PILRB: variants seen among roughly 807,000 people sequenced by gnomAD.
The protein encoded by PILRB is paired immunoglobulin-like type 2 receptor beta.
Under a neutral mutation model 20.5 loss-of-function variants are expected in PILRB, and 21 were observed. That is an observed-to-expected ratio of 1.02 (90% confidence interval 0.72 to 1.47). PILRB has a LOEUF of 1.47. PILRB is among the 40% of genes most tolerant of loss of function. PILRB has a pLI of 0.00. For synonymous variants in PILRB, 133 were observed against 115.1 expected (o/e 1.16, Z -0.99); for missense variants, 253 against 272.1 (o/e 0.93, Z 0.49).
chr7:100,361,102 AT>A, intron 3 of PILRB, among the ~76,000 whole-genome samples: 1 of 151,842 alleles, frequency 6.6e-6, no homozygotes, highest in Non-Finnish European at 1.5e-5. Flanking sequence ...CACCTGGCTA[AT>A]TTTTTGTAGT....
rs554731122 is a variant in PILRB, at chr7:100,365,415, TTACATGGTATCTA to T, written c.656-1933_656-1921del. 9.3e-4 allele frequency among the ~76,000 whole-genome samples: 142 copies of T among 152,288 alleles called. 3 individuals are homozygous for T. The South Asian group carries it at 0.016, about 18-fold the overall frequency. ...AAAGATAAATACTGTCTGATTCCAC[TTACATGGTATCTA>T]GAGTAGCCAGATTCCTAGAAACAGG... On this transcript the variant is annotated intron_variant, in intron 3 of 3. Transcript: ENST00000609309.
chr7:100,358,792 A>G lies in PILRB; in HGVS notation c.167A>G (p.Tyr56Cys), dbSNP rs775881069. The change falls in exon 2 of 4, where the codon TAT (tyrosine) becomes TGT (cysteine). Residue 56 changes from tyrosine (Y) to cysteine (C), a missense_variant. Coordinates refer to ENST00000609309, the MANE Select transcript of PILRB (RefSeq NM_178238.4). ...GGSVEIPFSF[Y>C]YPWELAIVPN... The stretch of plus-strand genomic sequence containing the variant: ...TCTGTGGAAATCCCCTTCTCCTTCT[A>G]TTACCCCTGGGAGTTAGCCATAGTT... 62 of 1,613,080 alleles carry G rather than the reference A, an allele frequency of 3.8e-5. 1 individual carries two copies. The Admixed American group carries it at 4.0e-4, about 10-fold the overall frequency.
intron 3 of PILRB, among the ~76,000 whole-genome samples, chr7:100,361,686 C>T (rs1790531490): frequency 6.6e-6 from 1 of 152,134 alleles, no homozygotes. Flanking sequence ...GAGCGAGACT[C>T]CATCTATAAA....
intron 3 of PILRB, among the ~76,000 whole-genome samples, chr7:100,362,299 T>C (rs1790550037): frequency 6.6e-6 from 1 of 152,152 alleles, no homozygotes; most frequent in African/African-American, 2.4e-5. Context: ...TGAATATTGA[T>C]GGGAAAATCT....
Position 100,358,719 on chromosome 7 carries a change from C to G in PILRB, c.94C>G (p.Leu32Val), listed in dbSNP as rs997106029. ...CTCCACAGGATCTGGTCCAAGCTACCTTTATGGGGTCACTCAACCAAAACA... is the reference window on the plus strand; with the variant it reads ...CTCCACAGGATCTGGTCCAAGCTACGTTTATGGGGTCACTCAACCAAAACA... ...GGSTGSGPSY[L>V]YGVTQPKHLS... The change falls in exon 2 of 4, where the codon CTT (leucine) becomes GTT (valine). Residue 32 changes from leucine to valine, a missense_variant. Transcript: ENST00000609309. 1.2e-6 allele frequency: 2 copies of G among 1,614,074 alleles called. No homozygotes were observed. Among genetic ancestry groups the G allele is most frequent in the Admixed American group, 1.7e-5 (1 of 60,022 alleles).
At chr7:100,362,173 A>G (rs556777065) in intron 3 of PILRB, among the ~76,000 whole-genome samples, 4 of 152,272 alleles carry the variant, frequency 2.6e-5, no homozygotes, top group African/African-American at 9.6e-5. Context: ...GATAATGACC[A>G]AAGACAGAGG....
chr7:100,360,865 A>G (rs1790504382), intron 3 of PILRB, among the ~76,000 whole-genome samples: 1 of 152,328 alleles, frequency 6.6e-6, no homozygotes, highest in South Asian at 2.1e-4. Context: ...ACTACAGTAG[A>G]CAATAGAGGA....
chr7:100,365,056 G>A (rs1790637546), intron 3 of PILRB, among the ~76,000 whole-genome samples: 2 of 152,144 alleles, frequency 1.3e-5, no homozygotes, highest in South Asian at 4.1e-4. Context: ...CTGGAGTGCA[G>A]CAGTGCAATC....
At chr7:100,366,058 A>G (rs911221777) in intron 3 of PILRB, among the ~76,000 whole-genome samples, 4 of 151,082 alleles carry the variant, frequency 2.6e-5, no homozygotes, top group African/African-American at 4.9e-5. Context: ...GGGTCAAGCA[A>G]TTCTTCTGCA....
intron 3 of PILRB, among the ~76,000 whole-genome samples, chr7:100,365,572 G>A (rs1253364792): frequency 6.6e-6 from 1 of 152,104 alleles, no homozygotes; most frequent in Non-Finnish European, 1.5e-5. Context: ...TGAGGAACAT[G>A]CCTTGGAAGG....
intron 3 of PILRB, among the ~76,000 whole-genome samples, chr7:100,365,876 C>A (rs1475934126): frequency 1.3e-5 from 2 of 151,084 alleles, no homozygotes; most frequent in Non-Finnish European, 2.9e-5. Flanking sequence ...AGATCTGTCT[C>A]ACAACCATGT....
rs1016631768 is a variant in PILRB, at chr7:100,359,277, C to T, written c.455-60C>T. The T allele has an allele frequency of 7.0e-6, 11 of 1,580,582 alleles. No individual in the cohort carries two copies. The Admixed American group carries it at 1.8e-4, about 26-fold the overall frequency. On this transcript the variant is annotated intron_variant, in intron 2 of 3. Transcript: ENST00000609309. ...CAATCTAGAAAGCAGCACACCATGC[C>T]TTTCATCCAGACGCCCCACACCCCC...
At position 100,358,309 on chromosome 7, in the gene PILRB, C is replaced by T. The variant is rs200179542; in HGVS notation, c.7C>T (p.Arg3Trp). 1.9e-5 allele frequency: 31 copies of T among 1,612,786 alleles called. No individual in the cohort carries two copies. The highest frequency in any genetic ancestry group is 1.7e-4 in the Middle Eastern group (1 of 5,820). ...CCTGGAGAAGAACAAGGCCATGGGTCGGCCCCTGCTGCTGCCCCTGCTGCT... is the reference window on the plus strand; with the variant it reads ...CCTGGAGAAGAACAAGGCCATGGGTTGGCCCCTGCTGCTGCCCCTGCTGCT... MG[R>W]PLLLPLLLLL... is the part of the protein sequence containing the mutation. The change falls in exon 1 of 4, where the codon CGG becomes TGG. Residue 3 changes from arginine to tryptophan, a missense_variant. Physicochemically the swap from Arg to Trp is moderately radical, Grantham distance 101 (BLOSUM62 -3). Transcript: ENST00000609309.
chr7:100,366,515 A>G (rs760305288), intron 3 of PILRB, among the ~76,000 whole-genome samples: 2 of 152,056 alleles, frequency 1.3e-5, no homozygotes. Context: ...CAAGGATGCC[A>G]GGGGGACAAG....
chr7:100,363,571 A>G (rs6955367), intron 3 of PILRB, among the ~76,000 whole-genome samples: 30,890 of 152,152 alleles, frequency 0.2, 3,412 homozygotes, highest in African/African-American at 0.27. Flanking sequence ...TGGAGTGGAA[A>G]GATTAATATT....
chr7:100,358,634 T>A, intron 1 of PILRB, 56 bp from the exon 2 acceptor site: 5 of 1,587,410 alleles, frequency 3.1e-6, no homozygotes, highest in Non-Finnish European at 4.3e-6. Context: ...GTCACCCTCT[T>A]TGTGTCCTGA....
At chr7:100,363,388 C>T (rs987845377) in intron 3 of PILRB, among the ~76,000 whole-genome samples, 2 of 152,036 alleles carry the variant, frequency 1.3e-5, no homozygotes, top group African/African-American at 2.4e-5. Context: ...TAAACATAAA[C>T]AATCTGAAAA....
intron 2 of PILRB, 128 bp downstream of exon 2, chr7:100,359,207 C>A: frequency 6.7e-7 from 1 of 1,500,930 alleles, no homozygotes. Flanking sequence ...GCTACCCCTT[C>A]CATGTCTGGG....
chr7:100,359,315 G>C (rs2130096361), intron 2 of PILRB, 22 bp from the exon 3 acceptor site: 1 of 1,611,754 alleles, frequency 6.2e-7, no homozygotes, highest in Non-Finnish European at 8.5e-7. Flanking sequence ...AAGAGGGTCT[G>C]CTCATTCCTC....
Sources: allele counts gnomAD v4.1 joint callset (sites outside exome capture counted in the v4.1 genomes callset), GRCh38; gene constraint gnomAD v4.1.1; transcripts MANE v1.5; gene names NCBI Gene and HGNC (gene_info 2026-07-23, HGNC 2026-07-21).